ZNF773: variants seen among roughly 807,000 people sequenced by gnomAD.
ZNF773 encodes zinc finger protein 773.
ZNF773 carries 11 observed loss-of-function variants against 12.8 expected under a neutral mutation model. That is an observed-to-expected ratio of 0.86 (90% CI 0.54 to 1.42). ZNF773 has a LOEUF of 1.42. Ranked by LOEUF, ZNF773 falls within the 40% of genes most tolerant of loss-of-function variation. The pLI, the probability that ZNF773 is intolerant of heterozygous loss-of-function variation, is 0.00. For synonymous variants in ZNF773, 175 were observed against 178.4 expected (o/e 0.98, Z 0.15); for missense variants, 518 against 527.2 (o/e 0.98, Z 0.17).
At chr19:57,508,366 T>A, downstream of ZNF773, 1 of 399,352 alleles carries the variant, frequency 2.5e-6, no homozygotes, top group Non-Finnish European at 3.4e-6. Flanking sequence ...TCACTGAGTT[T>A]GGAGTTGGGG....
intron 1 of ZNF773, among the ~76,000 whole-genome samples, chr19:57,501,515 A>G (rs55802846): frequency 0.21 from 31,381 of 151,954 alleles, 3,353 homozygotes; most frequent in African/African-American, 0.25. Flanking sequence ...CAATAGTCCT[A>G]TTGAGTGAAT....
At chr19:57,502,913 G>A (rs904856331) in intron 1 of ZNF773, among the ~76,000 whole-genome samples, 33 of 151,922 alleles carry the variant, frequency 2.2e-4, no homozygotes, top group African/African-American at 6.5e-4. Flanking sequence ...GGATGATCTC[G>A]ATCTCCTAAC....
At chr19:57,513,871 G>A (rs1211589602), downstream of ZNF773, 3 of 151,908 alleles carry the variant, frequency 2.0e-5, no homozygotes, top group East Asian at 5.8e-4. Flanking sequence ...CCAAGAGACT[G>A]GCCTCTTGTA....
chr19:57,505,975 C>T (rs1229758805), intron 3 of ZNF773, among the ~76,000 whole-genome samples: 5 of 152,150 alleles, frequency 3.3e-5, no homozygotes, highest in African/African-American at 7.2e-5. Flanking sequence ...TCCGAAAGTG[C>T]TGGGATTACA....
chr19:57,506,537 C>G lies in ZNF773; in HGVS notation c.442C>G (p.Gln148Glu). 1 of 1,614,172 alleles carries G rather than the reference C, an allele frequency of 6.2e-7. No individual in the cohort carries two copies. The highest frequency in any genetic ancestry group is 8.5e-7 in the Non-Finnish European group (1 of 1,180,026). Residue 148 changes from glutamine to glutamate, a missense_variant, in exon 4 of 4, where the codon CAA becomes GAA. By Grantham distance (29) the Gln-to-Glu change is conservative (BLOSUM62 2). Coordinates refer to ENST00000282292, the MANE Select transcript of ZNF773 (RefSeq NM_198542.3). The part of the protein sequence containing the change: ...CRVHLSEKSL[Q>E]SREVGKDLLT... Reference sequence around the variant, plus strand: ...AGTCCACCTATCAGAGAAGTCCTTGCAAAGCAGGGAAGTTGGGAAGGATCT... The same window carrying G: ...AGTCCACCTATCAGAGAAGTCCTTGGAAAGCAGGGAAGTTGGGAAGGATCT...
At chr19:57,511,932 C>A (rs2089799232), downstream of ZNF773, among the ~76,000 whole-genome samples, 2 of 152,104 alleles carry the variant, frequency 1.3e-5, no homozygotes, top group South Asian at 2.1e-4. Context: ...AGTATGATTC[C>A]ATTTATATGA....
chr19:57,502,447 A>G (rs898823959), intron 1 of ZNF773, among the ~76,000 whole-genome samples: 6 of 152,086 alleles, frequency 3.9e-5, no homozygotes, highest in African/African-American at 1.2e-4. Context: ...CTGGGCCTCT[A>G]TTGTTTGTAT....
rs749475352 is a variant in ZNF773, at chr19:57,507,383, C to T, written c.1288C>T (p.Leu430Phe). The T allele has an allele frequency of 2.5e-6, 4 of 1,610,114 alleles. No homozygotes were observed. The highest frequency in any genetic ancestry group is 1.1e-5 in the South Asian group (1 of 90,212). The change falls in exon 4 of 4, where the codon CTT (leucine) becomes TTT (phenylalanine). Residue 430 changes from leucine (L) to phenylalanine (F), a missense_variant. By Grantham distance (22) the Leu-to-Phe change is conservative. Transcript: ENST00000282292. ...GAAATTTTTTCGCCACAGCTCCAGT[C>T]TTGTTAAACATCGAAGGATTCACAC... ...CGKFFRHSSS[L>F]VKHRRIHTGE...
intron 1 of ZNF773, 116 bp from the exon 2 acceptor site, chr19:57,504,541 G>A: frequency 1.4e-6 from 2 of 1,470,752 alleles, no homozygotes; most frequent in Non-Finnish European, 1.9e-6. Context: ...TCTGGGGCAG[G>A]GTCTCTCTTC....
intron 1 of ZNF773, among the ~76,000 whole-genome samples, chr19:57,501,167 G>A (rs1280690412): frequency 6.6e-6 from 1 of 152,186 alleles, no homozygotes; most frequent in East Asian, 1.9e-4. Context: ...GCACAGGTGG[G>A]ATGATCAACT....
downstream of ZNF773, chr19:57,513,588 TCCACCCACTGCTTTGCCA>T: frequency 6.6e-6 from 1 of 152,374 alleles, no homozygotes; most frequent in South Asian, 2.1e-4. Flanking sequence ...ATATTTCTCC[TCCACCCACTGCTTTGCCA>T]CTAGAGTGGC....
Position 57,506,512 on chromosome 19 carries a change from A to C in ZNF773, c.417A>C (p.Arg139Ser). 1 of 1,614,248 alleles carries C rather than the reference A, an allele frequency of 6.2e-7. No homozygotes were observed. Among genetic ancestry groups the C allele is most frequent in the Non-Finnish European group, 8.5e-7 (1 of 1,180,044 alleles). Reference protein sequence around the residue: ...EGRVPVLRSCRVHLSEKSLQS... With the variant: ...EGRVPVLRSCSVHLSEKSLQS... ...GGGTCCCAGTTTTGAGGAGTTGCAG[A>C]GTCCACCTATCAGAGAAGTCCTTGC... Residue 139 changes from arginine to serine, a missense_variant, in exon 4 of 4, where the codon AGA becomes AGC. Transcript: ENST00000282292.
At chr19:57,513,173 T>G (rs370033129), downstream of ZNF773, 155 of 1,257,764 alleles carry the variant, frequency 1.2e-4, no homozygotes, top group Admixed American at 3.9e-4. Context: ...AAAGAGGTAC[T>G]GGGAGTGGGA....
In ZNF773 at chr19:57,507,630, T is replaced by A; in HGVS notation, c.*206T>A. 2 of 1,388,698 alleles carry A rather than the reference T, an allele frequency of 1.4e-6. No individual in the cohort carries two copies. The highest frequency in any genetic ancestry group is 1.9e-6 in the Non-Finnish European group (2 of 1,079,566). 86.0% of individuals were successfully genotyped at this position (1,388,698 alleles called of 1,614,324 possible). A position where few individuals can be genotyped will look rare whatever the true frequency, so the allele number is the denominator to read the frequency against. ...CTAACCGTATTCAACACCAGAAAGT[T>A]TAGACTGGAGAAAGGCCTTAGACTG... On this transcript the variant is annotated 3_prime_UTR_variant, in exon 4 of 4. Coordinates refer to ENST00000282292, the MANE Select transcript of ZNF773 (RefSeq NM_198542.3).
chr19:57,509,333 T>C (rs1421390716), downstream of ZNF773, among the ~76,000 whole-genome samples: 1 of 152,228 alleles, frequency 6.6e-6, no homozygotes, highest in East Asian at 1.9e-4. Context: ...GATAAAGAAT[T>C]TGATGTATAT....
chr19:57,502,445 C>T (rs2089680921), intron 1 of ZNF773, among the ~76,000 whole-genome samples: 2 of 152,092 alleles, frequency 1.3e-5, no homozygotes. Context: ...AGCTGGGCCT[C>T]TATTGTTTGT....
rs1282342928 is a variant in ZNF773, at chr19:57,508,142, AAAAAAAAAAAAAAAAAC to A, written c.*727_*743del. The stretch of plus-strand genomic sequence containing the variant: ...GGTGACAGAGTGAGACTTCGTCTCA[AAAAAAAAAAAAAAAAAC>A]AAAAAAAACCCAGAAACTCTGAGGG... On this transcript the variant is annotated 3_prime_UTR_variant, in exon 4 of 4. Transcript: ENST00000282292. The A allele has an allele frequency of 2.5e-6, 2 of 792,514 alleles. No homozygotes were observed. Among genetic ancestry groups the A allele is most frequent in the Non-Finnish European group, 2.9e-6 (2 of 690,064 alleles). 49.1% of individuals were successfully genotyped at this position (792,514 alleles called of 1,614,324 possible).
Position 57,506,668 on chromosome 19 carries a change from C to T in ZNF773, c.573C>T (p.Tyr191=), listed in dbSNP as rs2089739650. The change falls in exon 4 of 4, where the codon TAC becomes TAT. Residue 191 remains tyrosine, a synonymous_variant. Transcript: ENST00000282292. ...CCTTTCATGCTGGAAAAAGGCATTACAAATGCAGTGAATGTGGGAAAGCCT... is the reference window on the plus strand; with the variant it reads ...CCTTTCATGCTGGAAAAAGGCATTATAAATGCAGTGAATGTGGGAAAGCCT... The part of the protein sequence containing the change: ...REAFHAGKRH[Y]KCSECGKAFG... 1.2e-6 allele frequency: 2 copies of T among 1,614,228 alleles called. No homozygotes were observed.
downstream of ZNF773, among the ~76,000 whole-genome samples, chr19:57,509,406 A>G (rs1187689910): frequency 1.3e-5 from 2 of 152,206 alleles, no homozygotes; most frequent in East Asian, 3.8e-4. Context: ...GCATTCCAGT[A>G]GCTTTGAGCA....
Sources: gnomAD v4.1 joint callset for allele counts (sites outside exome capture counted in the v4.1 genomes callset) on GRCh38, gnomAD v4.1.1 for gene constraint, MANE v1.5 for transcripts, NCBI Gene and HGNC (gene_info 2026-07-23, HGNC 2026-07-21) for gene names.